SAPCD2: variants seen among roughly 807,000 people sequenced by gnomAD.
SAPCD2 encodes suppressor APC domain containing 2, also known as suppressor APC domain-containing protein 2.
In SAPCD2, 34 loss-of-function variants were observed where a neutral mutation model predicts 37.8. That is an observed-to-expected ratio of 0.90 (90% CI 0.68 to 1.20). The LOEUF (loss-of-function observed/expected upper bound fraction) is 1.20, where lower values mean the gene tolerates loss of function less well. SAPCD2 is among the 50% of genes most tolerant of loss of function. The probability of loss-of-function intolerance (pLI) is 0.00; values close to 1 mark genes in which losing one functional copy is unlikely to be tolerated. For missense variants in SAPCD2, 572 were observed against 584.7 expected (o/e 0.98, Z 0.22); for synonymous variants, 275 against 270.3 (o/e 1.02, Z -0.17).
rs773842747 is a variant in SAPCD2, at chr9:137,064,644, C to T, written c.*15G>A. 43 of 1,589,878 alleles carry T rather than the reference C, an allele frequency of 2.7e-5. No homozygotes were observed. The South Asian group carries it at 3.9e-4, about 14-fold the overall frequency. On this transcript the variant is annotated 3_prime_UTR_variant, in exon 6 of 6. Transcript: ENST00000409687. ...GTGCCAGGCTGGCCCTGGGGGCCCA[C>T]GCGGCCCACAAGGACTAGATGAAGG...
At chr9:137,067,942 G>T (rs1331380152) in intron 1 of SAPCD2, among the ~76,000 whole-genome samples, 1 of 152,154 alleles carries the variant, frequency 6.6e-6, no homozygotes, top group Non-Finnish European at 1.5e-5. Context: ...TGCCACTCCG[G>T]CCCAGCTTCC....
Position 137,070,263 on chromosome 9 carries a change from G to A in SAPCD2, c.198C>T (p.Arg66=). 1 of 1,449,634 alleles carries A rather than the reference G, an allele frequency of 6.9e-7. No individual in the cohort carries two copies. The highest frequency in any genetic ancestry group is 3.0e-5 in the East Asian group (1 of 33,742). The allele number at this position is 1,449,634 out of a possible 1,614,324, so 89.8% of individuals were successfully genotyped here. ...WQGTDARELP[R]GVLEGLRQVA... ...CCTGGCGCAAGCCCTCCAGCACCCCGCGGGGCAGCTCCCGCGCGTCGGTGC... is the reference window on the plus strand; with the variant it reads ...CCTGGCGCAAGCCCTCCAGCACCCCACGGGGCAGCTCCCGCGCGTCGGTGC... The change falls in exon 1 of 6, where the codon CGC becomes CGT. Residue 66 remains arginine, a synonymous_variant. Transcript: ENST00000409687.
chr9:137,068,418 A>T (rs1832579175), intron 1 of SAPCD2, among the ~76,000 whole-genome samples: 2 of 152,182 alleles, frequency 1.3e-5, no homozygotes, highest in African/African-American at 4.8e-5. Context: ...CAGGGCCCTG[A>T]GCCAGCAGGC....
intron 1 of SAPCD2, among the ~76,000 whole-genome samples, chr9:137,067,506 T>A (rs1832563249): frequency 6.8e-6 from 1 of 146,962 alleles, no homozygotes; most frequent in Non-Finnish European, 1.5e-5. Flanking sequence ...GCACGGTGGC[T>A]CACACCTGTA....
intron 1 of SAPCD2, 115 bp from the exon 2 acceptor site, chr9:137,066,489 G>C (rs1282749761): frequency 1.4e-6 from 1 of 724,596 alleles, no homozygotes; most frequent in Non-Finnish European, 2.3e-6. Context: ...CACCAGCCTG[G>C]CATGGCCCAC....
Position 137,070,305 on chromosome 9 carries a change from G to T in SAPCD2, c.156C>A (p.Ile52=). 6.8e-7 allele frequency: 1 copy of T among 1,480,644 alleles called. No homozygotes were observed. The highest frequency in any genetic ancestry group is 2.9e-5 in the East Asian group (1 of 34,866). The allele number at this position is 1,480,644 out of a possible 1,614,324, so 91.7% of individuals were successfully genotyped here. A position where few individuals can be genotyped will look rare whatever the true frequency, so the allele number is the denominator to read the frequency against. Residue 52 remains isoleucine, a synonymous_variant, in exon 1 of 6, where the codon ATC becomes ATA. Transcript: ENST00000409687. ...RRRGCVHLRE[I]ESRWQGTDAR... ...CGTCGGTGCCCTGCCAGCGGGACTC[G>T]ATCTCGCGCAGGTGCACGCAGCCGC...
chr9:137,064,082 C>A lies in SAPCD2; in HGVS notation c.*577G>T, dbSNP rs45526939. ...CAGGGTCCCTCAGCCTTGGCCAGAA[C>A]CTGAAGTCCGACCGCTATCCCTGGG... On this transcript the variant is annotated 3_prime_UTR_variant, in exon 6 of 6. Coordinates refer to ENST00000409687, the MANE Select transcript of SAPCD2 (RefSeq NM_178448.4). 9.9e-3 allele frequency: 1,688 copies of A among 171,346 alleles called. 14 individuals carry two copies. Among genetic ancestry groups the A allele is most frequent in the Middle Eastern group, 0.026 (9 of 352 alleles). The allele number at this position is 171,346 out of a possible 1,614,324, so 10.6% of individuals were successfully genotyped here.
intron 1 of SAPCD2, among the ~76,000 whole-genome samples, chr9:137,067,546 G>C (rs1037911684): frequency 1.2e-4 from 18 of 150,886 alleles, no homozygotes; most frequent in Non-Finnish European, 2.4e-4. Context: ...CTGGGGCGGG[G>C]GGGGATCAGT....
In SAPCD2 at chr9:137,065,620, C is replaced by A. The variant is rs755266265; in HGVS notation, c.733G>T (p.Gly245Cys). The A allele has an allele frequency of 2.5e-6, 4 of 1,608,836 alleles. No homozygotes were observed. The highest frequency in any genetic ancestry group is 3.4e-6 in the Non-Finnish European group (4 of 1,177,066). Residue 245 changes from glycine (G) to cysteine (C), a missense_variant, in exon 3 of 6, where the codon GGT becomes TGT. Gly to Cys is a radical substitution (Grantham distance 159). Transcript: ENST00000409687. ...CGGCCCCGCGCCATCATCTCCAAAC[C>A]CTGCAGCAGCACCTCCTTCTCCTGC... is the stretch of plus-strand genomic sequence containing the variant. ...LEQEKEVLLQGLEMMARGRDW... is the reference protein window; with the variant it reads ...LEQEKEVLLQCLEMMARGRDW...
Position 137,064,691 on chromosome 9 carries a change from C to T in SAPCD2, c.1153G>A (p.Asp385Asn). Reference sequence around the variant, plus strand: ...AAGGTGGAATCCAGAGGTCCCCCGTCCTGCTGGCTCAGGGCGCGGGCCTCA... The same window carrying T: ...AAGGTGGAATCCAGAGGTCCCCCGTTCTGCTGGCTCAGGGCGCGGGCCTCA... Reference protein sequence around the residue: ...LFEARALSQQDGGPLDSTFI With the variant: ...LFEARALSQQNGGPLDSTFI The change falls in exon 6 of 6, where the codon GAC (aspartate) becomes AAC (asparagine). Residue 385 changes from aspartate (D) to asparagine (N), a missense_variant. Physicochemically the swap from Asp to Asn is conservative, Grantham distance 23 (BLOSUM62 1). Coordinates refer to ENST00000409687, the MANE Select transcript of SAPCD2 (RefSeq NM_178448.4). The T allele has an allele frequency of 6.3e-7, 1 of 1,596,918 alleles. No individual in the cohort carries two copies. Among genetic ancestry groups the T allele is most frequent in the Non-Finnish European group, 8.5e-7 (1 of 1,173,080 alleles).
chr9:137,064,703 G>T lies in SAPCD2; in HGVS notation c.1141C>A (p.Leu381Met), dbSNP rs760356179. 1 of 1,595,594 alleles carries T rather than the reference G, an allele frequency of 6.3e-7. No individual in the cohort carries two copies. The highest frequency in any genetic ancestry group is 2.3e-5 in the East Asian group (1 of 44,004). The change falls in exon 6 of 6, where the codon CTG becomes ATG. Residue 381 changes from leucine (L) to methionine (M), a missense_variant. Leu to Met is a conservative substitution (Grantham distance 15, BLOSUM62 2). Coordinates refer to ENST00000409687, the MANE Select transcript of SAPCD2 (RefSeq NM_178448.4). ...AGAGGTCCCCCGTCCTGCTGGCTCAGGGCGCGGGCCTCAAACAGCTGCTTA... is the reference window on the plus strand; with the variant it reads ...AGAGGTCCCCCGTCCTGCTGGCTCATGGCGCGGGCCTCAAACAGCTGCTTA... The part of the protein sequence containing the change: ...LIKQLFEARA[L>M]SQQDGGPLDS...
At chr9:137,069,780 C>T (rs916752286) in intron 1 of SAPCD2, 110 bp downstream of exon 1, 3 of 794,750 alleles carry the variant, frequency 3.8e-6, no homozygotes, top group Non-Finnish European at 3.4e-6. Context: ...AAGAGCCGCT[C>T]CCCGGTCCCG....
At chr9:137,068,890 G>T (rs545523095) in intron 1 of SAPCD2, among the ~76,000 whole-genome samples, 1 of 152,252 alleles carries the variant, frequency 6.6e-6, no homozygotes, top group African/African-American at 2.4e-5. Context: ...TAGAACTAGG[G>T]GTCCCCCAGC....
Position 137,064,732 on chromosome 9 carries a change from A to G in SAPCD2, c.1112T>C (p.Leu371Pro). Residue 371 changes from leucine (L) to proline (P), a missense_variant, in exon 6 of 6, where the codon CTC becomes CCC. Coordinates refer to ENST00000409687, the MANE Select transcript of SAPCD2 (RefSeq NM_178448.4). ...ITQLEQEKSA[L>P]IKQLFEARAL... The stretch of plus-strand genomic sequence containing the variant: ...GCGGGCCTCAAACAGCTGCTTAATG[A>G]GCGCCGACTTCTCCTGCTCCAGCTG... 3 of 1,591,334 alleles carry G rather than the reference A, an allele frequency of 1.9e-6. No homozygotes were observed. The highest frequency in any genetic ancestry group is 2.6e-6 in the Non-Finnish European group (3 of 1,169,832).
At chr9:137,066,742 G>A (rs188500495) in intron 1 of SAPCD2, among the ~76,000 whole-genome samples, 4 of 152,084 alleles carry the variant, frequency 2.6e-5, no homozygotes, top group Non-Finnish European at 5.9e-5. Flanking sequence ...AGGAGTGGGC[G>A]GGGGGGTTCT....
rs1832599426 is a variant in SAPCD2 at position 137,069,933 on chromosome 9, C to T, written c.528G>A (p.Arg176=). ...TCGGTTCCAGCGCCGCGCTCTGGGACCGCTCGGGCTCCGCGGGGCAGGGCG... is the reference window on the plus strand; with the variant it reads ...TCGGTTCCAGCGCCGCGCTCTGGGATCGCTCGGGCTCCGCGGGGCAGGGCG... ...EAAPCPAEPE[R]SQSAALEPSS... The change falls in exon 1 of 6, where the codon CGG becomes CGA. Residue 176 remains arginine, a synonymous_variant. Coordinates refer to ENST00000409687, the MANE Select transcript of SAPCD2 (RefSeq NM_178448.4). 7.8e-7 allele frequency: 1 copy of T among 1,278,258 alleles called. No homozygotes were observed. Among genetic ancestry groups the T allele is most frequent in the South Asian group, 2.5e-5 (1 of 39,406 alleles). 79.2% of individuals were successfully genotyped at this position (1,278,258 alleles called of 1,614,324 possible).
At chr9:137,066,172 TC>T in intron 2 of SAPCD2, 89 bp downstream of exon 2, 1 of 985,034 alleles carries the variant, frequency 1.0e-6, no homozygotes, top group African/African-American at 1.6e-5. Context: ...CGCCATGGAC[TC>T]CCCCAGGCTC....
At chr9:137,067,581 C>G (rs905544295) in intron 1 of SAPCD2, among the ~76,000 whole-genome samples, 3 of 151,064 alleles carry the variant, frequency 2.0e-5, no homozygotes, top group Non-Finnish European at 4.4e-5. Context: ...CAAGACCAGC[C>G]TAGCCAACAT....
Position 137,065,623 on chromosome 9 carries a change from G to T in SAPCD2, c.730C>A (p.Gln244Lys). Residue 244 changes from glutamine to lysine, a missense_variant, in exon 3 of 6, where the codon CAG (glutamine) becomes AAG (lysine). Coordinates refer to ENST00000409687, the MANE Select transcript of SAPCD2 (RefSeq NM_178448.4). ...CCCCGCGCCATCATCTCCAAACCCTGCAGCAGCACCTCCTTCTCCTGCTCC... is the reference window on the plus strand; with the variant it reads ...CCCCGCGCCATCATCTCCAAACCCTTCAGCAGCACCTCCTTCTCCTGCTCC... ...ELEQEKEVLLQGLEMMARGRD... is the reference protein window; with the variant it reads ...ELEQEKEVLLKGLEMMARGRD... 6.2e-7 allele frequency: 1 copy of T among 1,608,612 alleles called. No individual in the cohort carries two copies.
Sources: allele counts gnomAD v4.1 joint callset (sites outside exome capture counted in the v4.1 genomes callset), GRCh38; gene constraint gnomAD v4.1.1; transcripts MANE v1.5; gene names NCBI Gene and HGNC (gene_info 2026-07-23, HGNC 2026-07-21).